Variants in RNF220 observed in about 807,000 individuals in gnomAD.
RNF220 encodes the protein E3 ubiquitin-protein ligase RNF220.
RNF220 carries 7 observed loss-of-function variants against 67.1 expected under a neutral mutation model. The ratio of observed to expected loss-of-function variants is 0.10; its 90% CI spans 0.06 to 0.20. The LOEUF (loss-of-function observed/expected upper bound fraction) is 0.20. Among genes scored for constraint, RNF220 ranks in the 10% least tolerant of loss-of-function variants. The probability of loss-of-function intolerance (pLI) is 1.00; values close to 1 mark genes in which losing one functional copy is unlikely to be tolerated. For synonymous variants in RNF220, 270 were observed against 283.2 expected (o/e 0.95, Z 0.47); for missense variants, 565 against 740.3 (o/e 0.76, Z 2.75).
rs114927359 is a variant in RNF220, at chr1:44,481,474, A to G, written c.625+68752A>G. The stretch of plus-strand genomic sequence containing the variant: ...CACCGCATGTTCTTACTCATAACTG[A>G]GAGTTGAACAATGAGAACACATAGA... On this transcript the variant is annotated intron_variant, in intron 2 of 14. Coordinates refer to ENST00000361799, the MANE Select transcript of RNF220 (RefSeq NM_018150.4). Among the ~76,000 whole-genome samples, 1,511 of 152,202 alleles carry G rather than the reference A, an allele frequency of 9.9e-3. 13 individuals carry two copies. Among genetic ancestry groups the G allele is most frequent in the Middle Eastern group, 0.02 (6 of 294 alleles).
intron 8 of RNF220, among the ~76,000 whole-genome samples, chr1:44,636,876 C>T (rs189545625): frequency 6.6e-6 from 1 of 152,252 alleles, no homozygotes; most frequent in Admixed American, 6.5e-5. Context: ...TGACACCCCC[C>T]ACCAGGTCAG....
intron 2 of RNF220, among the ~76,000 whole-genome samples, chr1:44,447,767 A>G (rs942038981): frequency 1.3e-5 from 2 of 152,032 alleles, no homozygotes; most frequent in African/African-American, 2.4e-5. Flanking sequence ...GCCCACTGCC[A>G]CTCTGCTGGG....
intron 2 of RNF220, among the ~76,000 whole-genome samples, chr1:44,459,219 A>T (rs1444038641): frequency 6.6e-6 from 1 of 151,942 alleles, no homozygotes; most frequent in Non-Finnish European, 1.5e-5. Context: ...TTCTAAAAAT[A>T]TGTTGTGGGG....
chr1:44,544,206 G>A (rs193250629), intron 2 of RNF220, among the ~76,000 whole-genome samples: 1 of 152,328 alleles, frequency 6.6e-6, no homozygotes, highest in African/African-American at 2.4e-5. Flanking sequence ...AGCAGGAGCA[G>A]ACAGGAAAAT....
At chr1:44,613,901 GA>G (rs901064872) in intron 2 of RNF220, among the ~76,000 whole-genome samples, 100 of 150,698 alleles carry the variant, frequency 6.6e-4, no homozygotes, top group African/African-American at 1.9e-3. Context: ...ATTTAAAAAA[GA>G]AAAAAAAATA....
At chr1:44,423,548 C>T (rs1360728957) in intron 2 of RNF220, among the ~76,000 whole-genome samples, 1 of 152,144 alleles carries the variant, frequency 6.6e-6, no homozygotes, top group Admixed American at 6.5e-5. Context: ...CCAGAGGACC[C>T]ATGAGCACCC....
At position 44,503,282 on chromosome 1, in the gene RNF220, C is replaced by T. The variant is rs556394019; in HGVS notation, c.625+90560C>T. Among the ~76,000 whole-genome samples the T allele has an allele frequency of 3.5e-5, 5 of 142,118 alleles. No individual in the cohort carries two copies. In the East Asian group the frequency reaches 8.3e-4, roughly 23 times the overall value. 93.2% of individuals were successfully genotyped at this position (142,118 alleles called of 152,430 possible). Reference sequence around the variant, plus strand: ...CTGGAAGGCAGAGGTTGCAGTGAACCGAGATTGCGCTACTGCACTCCAGCC... The same window carrying T: ...CTGGAAGGCAGAGGTTGCAGTGAACTGAGATTGCGCTACTGCACTCCAGCC... On this transcript the variant is annotated intron_variant, in intron 2 of 14. Transcript: ENST00000361799.
chr1:44,577,630 A>C (rs1233999003), intron 2 of RNF220, among the ~76,000 whole-genome samples: 1 of 152,254 alleles, frequency 6.6e-6, no homozygotes, highest in African/African-American at 2.4e-5. Context: ...GAAAAGATAC[A>C]AGATACTTAA....
At chr1:44,553,506 C>G (rs1021066932) in intron 2 of RNF220, among the ~76,000 whole-genome samples, 1 of 152,146 alleles carries the variant, frequency 6.6e-6, no homozygotes. Flanking sequence ...TTGTTGTACT[C>G]TCTGCAAACC....
intron 2 of RNF220, among the ~76,000 whole-genome samples, chr1:44,582,037 C>T (rs1364938865): frequency 6.6e-6 from 1 of 152,224 alleles, no homozygotes; most frequent in Admixed American, 6.5e-5. Context: ...TACTTCCTTA[C>T]AGCTAAACGG....
chr1:44,438,509 G>T (rs1409571949), intron 2 of RNF220, among the ~76,000 whole-genome samples: 1 of 152,132 alleles, frequency 6.6e-6, no homozygotes, highest in East Asian at 1.9e-4. Context: ...TCATTAATTC[G>T]AGTACTTATT....
intron 2 of RNF220, among the ~76,000 whole-genome samples, chr1:44,500,993 G>T (rs557095448): frequency 6.8e-6 from 1 of 146,724 alleles, no homozygotes; most frequent in Non-Finnish European, 1.5e-5. Flanking sequence ...GAGGCCCCTC[G>T]ATTTGGCCAA....
intron 2 of RNF220, among the ~76,000 whole-genome samples, chr1:44,525,258 G>A (rs1347692332): frequency 6.6e-6 from 1 of 152,180 alleles, no homozygotes; most frequent in Non-Finnish European, 1.5e-5. Context: ...CCAGGACTTT[G>A]GTGTGGGGGG....
At chr1:44,491,725 A>G (rs1276094903) in intron 2 of RNF220, among the ~76,000 whole-genome samples, 2 of 151,652 alleles carry the variant, frequency 1.3e-5, no homozygotes, top group Non-Finnish European at 2.9e-5. Flanking sequence ...GTGCAGTGGC[A>G]TGATCTCAGC....
At chr1:44,627,865 A>G (rs927543774) in intron 5 of RNF220, among the ~76,000 whole-genome samples, 101 of 152,332 alleles carry the variant, frequency 6.6e-4, no homozygotes, top group African/African-American at 2.3e-3. Flanking sequence ...CTTCCAGCTG[A>G]CACAGCCTGG....
chr1:44,457,995 G>A (rs376955318), intron 2 of RNF220, among the ~76,000 whole-genome samples: 2 of 152,152 alleles, frequency 1.3e-5, no homozygotes, highest in East Asian at 3.9e-4. Flanking sequence ...GATGGCTCAC[G>A]CCTGTAATCC....
intron 2 of RNF220, among the ~76,000 whole-genome samples, chr1:44,503,511 C>T (rs146590451): frequency 6.6e-6 from 1 of 152,060 alleles, no homozygotes; most frequent in Non-Finnish European, 1.5e-5. Flanking sequence ...CCACACTGCC[C>T]TCATCCAATA....
intron 1 of RNF220, among the ~76,000 whole-genome samples, chr1:44,407,963 C>A (rs1173124860): frequency 1.3e-5 from 2 of 152,206 alleles, no homozygotes; most frequent in Non-Finnish European, 2.9e-5. Context: ...TTGCACGTGT[C>A]GGTTCTTCCT....
At chr1:44,493,511 T>C (rs1657048817) in intron 2 of RNF220, among the ~76,000 whole-genome samples, 1 of 152,000 alleles carries the variant, frequency 6.6e-6, no homozygotes, top group South Asian at 2.1e-4. Context: ...CAAGACTCCG[T>C]CTCAAAAAAT....
Sources: allele counts gnomAD v4.1 joint callset (sites outside exome capture counted in the v4.1 genomes callset), GRCh38; gene constraint gnomAD v4.1.1; transcripts MANE v1.5; gene names NCBI Gene and HGNC (gene_info 2026-07-23, HGNC 2026-07-21).